The following WWC1 variants were observed in gnomAD, a reference collection of about 807,000 sequenced individuals.
WWC1 encodes protein KIBRA.
Under a neutral mutation model 138.4 loss-of-function variants are expected in WWC1, and 55 were observed. The ratio of observed to expected loss-of-function variants is 0.40; its 90% CI spans 0.32 to 0.50. The LOEUF (loss-of-function observed/expected upper bound fraction) is 0.50, where lower values mean the gene tolerates loss of function less well. WWC1 is among the 20% of genes least tolerant of loss of function. WWC1 has a pLI of 0.72. For synonymous variants in WWC1, 524 were observed against 564.9 expected (o/e 0.93, Z 1.03); for missense variants, 1,226 against 1,420.4 (o/e 0.86, Z 2.20).
intron 1 of WWC1, among the ~76,000 whole-genome samples, chr5:168,345,223 A>G (rs372678433): frequency 2.0e-5 from 3 of 151,962 alleles, no homozygotes; most frequent in Admixed American, 1.3e-4. Flanking sequence ...TCCTGCCTCA[A>G]CCTCCCAAGT....
intron 9 of WWC1, among the ~76,000 whole-genome samples, chr5:168,419,987 A>AT (rs1208795558): frequency 1.3e-5 from 2 of 152,166 alleles, no homozygotes; most frequent in Admixed American, 6.5e-5. Flanking sequence ...GTTCTGTGAC[A>AT]TTCCGTCACA....
In WWC1 at chr5:168,397,654, G is replaced by A. The variant is rs536230780; in HGVS notation, c.434-70G>A. The A allele has an allele frequency of 7.3e-6, 11 of 1,517,106 alleles. No individual in the cohort carries two copies. The East Asian group carries it at 1.8e-4, about 25-fold the overall frequency. The allele number at this position is 1,517,106 out of a possible 1,614,324, so 94.0% of individuals were successfully genotyped here. ...CTTCCCTTTCTAGGTTTATTTAGAT[G>A]GCCAATAAGCCAACTTTGCTGAAAT... On this transcript the variant is annotated intron_variant, in intron 3 of 22. Coordinates refer to ENST00000265293, the MANE Select transcript of WWC1 (RefSeq NM_015238.3).
chr5:168,462,547 A>AT (rs1011332500), intron 20 of WWC1, among the ~76,000 whole-genome samples: 1 of 152,198 alleles, frequency 6.6e-6, no homozygotes, highest in African/African-American at 2.4e-5. Context: ...GCAGATGTTC[A>AT]TGGTCCACTC....
At position 168,431,288 on chromosome 5, in the gene WWC1, C is replaced by T. The variant is rs1012829956; in HGVS notation, c.2124C>T (p.Ser708=). 2.5e-6 allele frequency: 4 copies of T among 1,613,916 alleles called. No individual in the cohort carries two copies. Among genetic ancestry groups the T allele is most frequent in the South Asian group, 2.2e-5 (2 of 91,038 alleles). The part of the protein sequence containing the change: ...IRVAVLPCSE[S]TTCLFRTRPL... ...TGGCTGTCCTTCCTTGCTCTGAAAG[C>T]ACAACCTGCCTGTTCCGGACCCGGC... Residue 708 remains serine, a synonymous_variant, in exon 15 of 23, where the codon AGC becomes AGT. Transcript: ENST00000265293.
rs1491364364 is a variant in WWC1, at chr5:168,403,079, T to TTTC, written c.591-3117_591-3116insCTT. Among the ~76,000 whole-genome samples the TTTC allele has an allele frequency of 4.2e-3, 401 of 95,596 alleles. 10 individuals carry two copies. Among genetic ancestry groups the TTTC allele is most frequent in the Middle Eastern group, 0.015 (3 of 196 alleles). 62.7% of individuals were successfully genotyped at this position (95,596 alleles called of 152,430 possible). A position where few individuals can be genotyped will look rare whatever the true frequency, so the allele number is the denominator to read the frequency against. On this transcript the variant is annotated intron_variant, in intron 5 of 22. Coordinates refer to ENST00000265293, the MANE Select transcript of WWC1 (RefSeq NM_015238.3). ...CTTTCTTTCTTTCTTTCTTTCTTTC[T>TTTC]TTTCTTTCTTTTCTTTCTTTCTTTC...
At chr5:168,326,010 C>G (rs1772499218) in intron 1 of WWC1, among the ~76,000 whole-genome samples, 1 of 152,142 alleles carries the variant, frequency 6.6e-6, no homozygotes, top group Non-Finnish European at 1.5e-5. Context: ...AAGGGTAAAT[C>G]ATATTCCCTT....
At chr5:168,418,004 T>G (rs1435992391) in intron 9 of WWC1, among the ~76,000 whole-genome samples, 2 of 152,194 alleles carry the variant, frequency 1.3e-5, no homozygotes, top group Non-Finnish European at 2.9e-5. Context: ...CCTTCTGTCT[T>G]TGTTTCTCAT....
At chr5:168,348,421 G>A (rs531132585) in intron 1 of WWC1, among the ~76,000 whole-genome samples, 49 of 152,316 alleles carry the variant, frequency 3.2e-4, no homozygotes, top group African/African-American at 1.1e-3. Context: ...ATCCACAGCC[G>A]GATGGGAAGA....
chr5:168,411,795 G>A (rs1222592089), intron 8 of WWC1: 2 of 187,742 alleles, frequency 1.1e-5, no homozygotes, highest in East Asian at 3.8e-4. Flanking sequence ...TTACAGGACA[G>A]TTGGGGGTGG....
chr5:168,448,930 T>C (rs539491646), intron 17 of WWC1, among the ~76,000 whole-genome samples: 61 of 152,308 alleles, frequency 4.0e-4, no homozygotes, highest in African/African-American at 1.4e-3. Flanking sequence ...TAAGATTTTA[T>C]TAATAAATGC....
At chr5:168,443,437 A>G (rs554379045) in intron 16 of WWC1, among the ~76,000 whole-genome samples, 1 of 152,310 alleles carries the variant, frequency 6.6e-6, no homozygotes, top group South Asian at 2.1e-4. Context: ...AATTACATTA[A>G]GATGTACATC....
At chr5:168,341,138 A>G (rs964051598) in intron 1 of WWC1, among the ~76,000 whole-genome samples, 1 of 152,156 alleles carries the variant, frequency 6.6e-6, no homozygotes, top group African/African-American at 2.4e-5. Context: ...GGAAATAACT[A>G]CCATGACAGC....
chr5:168,399,482 C>T lies in WWC1; in HGVS notation c.511-6C>T. On this transcript the variant is annotated splice_region_variant and splice_polypyrimidine_tract_variant and intron_variant, in intron 4 of 22. Coordinates refer to ENST00000265293, the MANE Select transcript of WWC1 (RefSeq NM_015238.3). ...CCAGCCCTGTGTGTGGTCTGCTGCCCTCCAGGTCAACAAGCTGAAGAGAGA... is the reference window on the plus strand; with the variant it reads ...CCAGCCCTGTGTGTGGTCTGCTGCCTTCCAGGTCAACAAGCTGAAGAGAGA... 6.2e-7 allele frequency: 1 copy of T among 1,614,078 alleles called. No individual in the cohort carries two copies. Among genetic ancestry groups the T allele is most frequent in the Non-Finnish European group, 8.5e-7 (1 of 1,180,000 alleles).
chr5:168,369,800 A>C (rs527855471), intron 1 of WWC1, among the ~76,000 whole-genome samples: 1 of 151,816 alleles, frequency 6.6e-6, no homozygotes, highest in South Asian at 2.1e-4. Flanking sequence ...TTTTTCTGTA[A>C]GTTGGATTTG....
chr5:168,423,194 A>C (rs1224655795), intron 10 of WWC1, among the ~76,000 whole-genome samples: 1 of 151,524 alleles, frequency 6.6e-6, no homozygotes, highest in African/African-American at 2.4e-5. Flanking sequence ...GATTTCAAGA[A>C]AGATATTAAG....
At chr5:168,354,303 G>A (rs552337911) in intron 1 of WWC1, among the ~76,000 whole-genome samples, 129 of 152,048 alleles carry the variant, frequency 8.5e-4, no homozygotes, top group African/African-American at 3.0e-3. Flanking sequence ...CGCCCCCCTC[G>A]GCCTCCCAAA....
chr5:168,427,903 G>C (rs998002066), intron 11 of WWC1, 130 bp from the exon 12 acceptor site: 15 of 667,654 alleles, frequency 2.2e-5, no homozygotes, highest in Middle Eastern at 3.0e-4. Flanking sequence ...CGAGGCTGCA[G>C]TGAGCCATGA....
chr5:168,417,961 C>T (rs539974725), intron 9 of WWC1, among the ~76,000 whole-genome samples: 3 of 152,312 alleles, frequency 2.0e-5, no homozygotes, highest in Admixed American at 2.0e-4. Context: ...GTCAGTCTGT[C>T]TGTGTTCATC....
chr5:168,419,692 G>A (rs1780934106), intron 9 of WWC1, among the ~76,000 whole-genome samples: 1 of 152,164 alleles, frequency 6.6e-6, no homozygotes, highest in African/African-American at 2.4e-5. Flanking sequence ...GTAGACACAT[G>A]AGAGCAGCCC....
Sources: gnomAD v4.1 joint callset for allele counts (sites outside exome capture counted in the v4.1 genomes callset) on GRCh38, gnomAD v4.1.1 for gene constraint, MANE v1.5 for transcripts, NCBI Gene and HGNC (gene_info 2026-07-23, HGNC 2026-07-21) for gene names.